LRRC4C: variants seen among roughly 807,000 people sequenced by gnomAD.
LRRC4C encodes the protein leucine rich repeat containing 4C.
LRRC4C carries 5 observed loss-of-function variants against 33.6 expected under a neutral mutation model. The observed-to-expected ratio is 0.15, with a 90% confidence interval of 0.08 to 0.31. The LOEUF is 0.31. Among genes scored for constraint, LRRC4C ranks in the 10% least tolerant of loss-of-function variants. The pLI is 1.00. For synonymous variants in LRRC4C, 329 were observed against 302.0 expected (o/e 1.09, Z -0.93); for missense variants, 560 against 796.7 (o/e 0.70, Z 3.58).
chr11:40,254,730 A>G (rs1262052741), intron 4 of LRRC4C, among the ~76,000 whole-genome samples: 6 of 152,196 alleles, frequency 3.9e-5, no homozygotes, highest in Non-Finnish European at 8.8e-5. Context: ...AATACAACAA[A>G]CAAAATGTCT....
intron 1 of LRRC4C, among the ~76,000 whole-genome samples, chr11:41,280,687 T>A (rs2136927092): frequency 6.6e-6 from 1 of 152,312 alleles, no homozygotes; most frequent in South Asian, 2.1e-4. Context: ...ATTATTGTTC[T>A]CTCCATGTCC....
intron 1 of LRRC4C, among the ~76,000 whole-genome samples, chr11:41,262,089 A>G (rs1402927168): frequency 6.6e-6 from 1 of 152,126 alleles, no homozygotes; most frequent in Non-Finnish European, 1.5e-5. Context: ...AGGAAATGAT[A>G]GGATCAGGAA....
chr11:40,651,767 G>C (rs554157415), intron 2 of LRRC4C, among the ~76,000 whole-genome samples: 3 of 152,208 alleles, frequency 2.0e-5, no homozygotes, highest in East Asian at 3.9e-4. Context: ...ATTTTTTTCT[G>C]TTCAATAGTG....
chr11:40,614,759 A>G (rs1193419120), intron 3 of LRRC4C, among the ~76,000 whole-genome samples: 1 of 151,618 alleles, frequency 6.6e-6, no homozygotes, highest in Non-Finnish European at 1.5e-5. Flanking sequence ...TCTTAATTTT[A>G]ATATGGTTGT....
chr11:41,177,897 T>G (rs1046368656), intron 1 of LRRC4C, among the ~76,000 whole-genome samples: 1 of 152,072 alleles, frequency 6.6e-6, no homozygotes, highest in Non-Finnish European at 1.5e-5. Context: ...AGATAAACAC[T>G]TTAACAAATC....
intron 3 of LRRC4C, among the ~76,000 whole-genome samples, chr11:40,415,851 G>A (rs946194381): frequency 2.6e-5 from 4 of 152,134 alleles, no homozygotes; most frequent in Non-Finnish European, 5.9e-5. Flanking sequence ...GGAAATAAAA[G>A]CACTGAAGTT....
At chr11:40,814,597 C>T (rs1258074524) in intron 2 of LRRC4C, among the ~76,000 whole-genome samples, 1 of 151,890 alleles carries the variant, frequency 6.6e-6, no homozygotes, top group Non-Finnish European at 1.5e-5. Context: ...TGAATTTCTC[C>T]CCAGAAAATG....
intron 2 of LRRC4C, among the ~76,000 whole-genome samples, chr11:40,747,050 C>T (rs993481577): frequency 6.6e-6 from 1 of 152,144 alleles, no homozygotes; most frequent in African/African-American, 2.4e-5. Flanking sequence ...AATCATCCTG[C>T]CTTTACCAGC....
chr11:40,787,193 A>G (rs1409745195), intron 2 of LRRC4C, among the ~76,000 whole-genome samples: 1 of 152,092 alleles, frequency 6.6e-6, no homozygotes, highest in African/African-American at 2.4e-5. Context: ...GAATTTCTTT[A>G]GAGAAATTAA....
rs141330037 is a variant in LRRC4C, at chr11:40,163,176, C to T, written c.-95-22323G>A. 2.4e-3 allele frequency among the ~76,000 whole-genome samples: 368 copies of T among 152,304 alleles called. 4 individuals carry two copies. Among genetic ancestry groups the T allele is most frequent in the African/African-American group, 8.3e-3 (344 of 41,562 alleles). ...AAAGCACAGTGCATCCTATCCATACCCTATCCACCATACCGTGTGTAAGAA... is the reference window on the plus strand; with the variant it reads ...AAAGCACAGTGCATCCTATCCATACTCTATCCACCATACCGTGTGTAAGAA... On this transcript the variant is annotated intron_variant, in intron 5 of 6. Coordinates refer to ENST00000528697, the MANE Select transcript of LRRC4C (RefSeq NM_001258419.2).
chr11:40,564,763 A>C (rs957480461), intron 3 of LRRC4C, among the ~76,000 whole-genome samples: 4 of 152,208 alleles, frequency 2.6e-5, no homozygotes, highest in Non-Finnish European at 4.4e-5. Flanking sequence ...GCAAGATATC[A>C]TTAAACTATG....
At chr11:41,239,787 C>T (rs1307393579) in intron 1 of LRRC4C, among the ~76,000 whole-genome samples, 1 of 152,120 alleles carries the variant, frequency 6.6e-6, no homozygotes, top group Admixed American at 6.5e-5. Flanking sequence ...CCCCAGCACC[C>T]AGAACAGCTC....
chr11:41,342,290 A>G (rs1951666726), intron 1 of LRRC4C, among the ~76,000 whole-genome samples: 1 of 152,224 alleles, frequency 6.6e-6, no homozygotes, highest in Admixed American at 6.5e-5. Context: ...GGCACCACAT[A>G]TACAGAATTC....
At chr11:41,249,892 C>G (rs1478444545) in intron 1 of LRRC4C, among the ~76,000 whole-genome samples, 2 of 152,110 alleles carry the variant, frequency 1.3e-5, no homozygotes, top group Non-Finnish European at 2.9e-5. Context: ...ATGTGGACTT[C>G]CTTTTCTCCA....
chr11:41,291,564 T>C (rs1281493311), intron 1 of LRRC4C, among the ~76,000 whole-genome samples: 1 of 152,144 alleles, frequency 6.6e-6, no homozygotes, highest in East Asian at 1.9e-4. Flanking sequence ...AGAAGAAATA[T>C]GGATAGAAAT....
chr11:40,924,403 T>C (rs560000848), intron 2 of LRRC4C, among the ~76,000 whole-genome samples: 4 of 151,554 alleles, frequency 2.6e-5, no homozygotes, highest in East Asian at 1.9e-4. Context: ...GAATGAAATG[T>C]AGCAAAAGCT....
At chr11:40,971,634 G>T (rs557834789) in intron 1 of LRRC4C, among the ~76,000 whole-genome samples, 1 of 152,278 alleles carries the variant, frequency 6.6e-6, no homozygotes, top group South Asian at 2.1e-4. Context: ...ACTGCCTAGT[G>T]CATCTGTGAG....
intron 1 of LRRC4C, among the ~76,000 whole-genome samples, chr11:41,225,899 C>T (rs1405158773): frequency 6.6e-6 from 1 of 152,062 alleles, no homozygotes; most frequent in Non-Finnish European, 1.5e-5. Context: ...GGAAGTCAAA[C>T]CTCAGTCCAT....
chr11:40,703,569 G>A (rs537460005), intron 2 of LRRC4C, among the ~76,000 whole-genome samples: 1 of 152,020 alleles, frequency 6.6e-6, no homozygotes, highest in Admixed American at 6.6e-5. Context: ...TCAAAAGAGA[G>A]AGACAGAGAG....
Sources: allele counts gnomAD v4.1 joint callset (sites outside exome capture counted in the v4.1 genomes callset), GRCh38; gene constraint gnomAD v4.1.1; transcripts MANE v1.5; gene names NCBI Gene and HGNC (gene_info 2026-07-23, HGNC 2026-07-21).